Variants in TFEC observed in about 807,000 individuals in gnomAD.
TFEC encodes the protein class E basic helix-loop-helix protein 34.
Under a neutral mutation model 41.6 loss-of-function variants are expected in TFEC, and 31 were observed. The ratio of observed to expected loss-of-function variants is 0.74; its 90% CI spans 0.56 to 1.01. The LOEUF (loss-of-function observed/expected upper bound fraction) is 1.01, where lower values mean the gene tolerates loss of function less well. TFEC is among the 50% of genes least tolerant of loss of function. The pLI, the probability that TFEC is intolerant of heterozygous loss-of-function variation, is 0.00. For missense variants in TFEC, 402 were observed against 404.1 expected, an observed-to-expected ratio of 0.99 and a Z score of 0.04; for synonymous variants, 143 against 140.6, an observed-to-expected ratio of 1.02 and a Z score of -0.12.
At chr7:116,000,196 A>AC (rs1302252826) in intron 1 of TFEC, among the ~76,000 whole-genome samples, 1 of 152,180 alleles carries the variant, frequency 6.6e-6, no homozygotes. Flanking sequence ...ATATCAACAG[A>AC]ATGAAGAACA....
chr7:116,046,414 C>A (rs1023424955), intron 3 of TFEC, among the ~76,000 whole-genome samples: 3 of 152,144 alleles, frequency 2.0e-5, no homozygotes, highest in Non-Finnish European at 2.9e-5. Context: ...ATGGGTTTAT[C>A]AGAGGTTTCC....
intron 2 of TFEC, among the ~76,000 whole-genome samples, chr7:115,982,591 G>T (rs549381983): frequency 1.3e-5 from 2 of 152,098 alleles, no homozygotes. Context: ...GTGATTAAAT[G>T]GACATTAATG....
chr7:115,984,286 T>C lies in TFEC; in HGVS notation c.156A>G (p.Lys52=). The change falls in exon 2 of 8, where the codon AAA becomes AAG. Residue 52 remains lysine (K), a synonymous_variant. Coordinates refer to ENST00000265440, the MANE Select transcript of TFEC (RefSeq NM_012252.4). ...NPLTKLLAIG[K]EDDNAQWHME... is the part of the protein sequence containing the mutation. The stretch of plus-strand genomic sequence containing the variant: ...CATGCCATTGTGCATTGTCATCTTC[T>C]TTCCCAATAGCTAGTAACTTGGTGA... 3.1e-6 allele frequency: 5 copies of C among 1,614,016 alleles called. No individual in the cohort carries two copies. Among genetic ancestry groups the C allele is most frequent in the Non-Finnish European group, 4.2e-6 (5 of 1,179,926 alleles).
At chr7:115,964,761 T>C (rs1231628646) in intron 3 of TFEC, among the ~76,000 whole-genome samples, 2 of 151,608 alleles carry the variant, frequency 1.3e-5, no homozygotes, top group Non-Finnish European at 3.0e-5. Context: ...AACTTTGTAT[T>C]TGAAATTCTA....
chr7:116,015,329 C>T (rs938416792), intron 1 of TFEC, among the ~76,000 whole-genome samples: 1 of 151,916 alleles, frequency 6.6e-6, no homozygotes, highest in African/African-American at 2.4e-5. Context: ...ATTAAATGCT[C>T]TAATAGTAGA....
At chr7:116,126,198 C>T (rs1357912467) in intron 1 of TFEC, among the ~76,000 whole-genome samples, 1 of 151,942 alleles carries the variant, frequency 6.6e-6, no homozygotes, top group Non-Finnish European at 1.5e-5. Flanking sequence ...AAGAAAAAAA[C>T]AAAGCCTGAA....
intron 3 of TFEC, among the ~76,000 whole-genome samples, chr7:115,959,392 T>C (rs1014721001): frequency 4.0e-5 from 6 of 151,720 alleles, no homozygotes; most frequent in Non-Finnish European, 7.4e-5. Flanking sequence ...TATCAGAGGC[T>C]CTTCGCCGTA....
At chr7:116,053,890 G>A (rs1796370118) in intron 3 of TFEC, among the ~76,000 whole-genome samples, 1 of 152,146 alleles carries the variant, frequency 6.6e-6, no homozygotes, top group Non-Finnish European at 1.5e-5. Flanking sequence ...TAATACAAAT[G>A]CATACTGTGT....
chr7:116,069,258 C>T (rs1796769408), intron 3 of TFEC, among the ~76,000 whole-genome samples: 1 of 151,318 alleles, frequency 6.6e-6, no homozygotes. Context: ...TTTTGAAAGA[C>T]AGAACCACAG....
rs77554703 is a variant in TFEC, at chr7:116,133,610, T to C, written c.-68-21572A>G. Among the ~76,000 whole-genome samples, 1,222 of 152,262 alleles carry C rather than the reference T, an allele frequency of 8.0e-3. 20 individuals are homozygous for C. The highest frequency in any genetic ancestry group is 0.027 in the African/African-American group (1,142 of 41,556). ...TAAATGATTTCTGGGAAACATAATT[T>C]AATCATTTAAATTAAAGACTTTTCA... On this transcript the variant is annotated intron_variant, in intron 1 of 8. Coordinates refer to the TFEC transcript ENST00000484212.
intron 1 of TFEC, among the ~76,000 whole-genome samples, chr7:116,145,452 G>C (rs756199980): frequency 6.6e-6 from 1 of 152,114 alleles, no homozygotes; most frequent in African/African-American, 2.4e-5. Flanking sequence ...TCAACTCACA[G>C]CACAGAGACC....
intron 3 of TFEC, among the ~76,000 whole-genome samples, chr7:116,054,062 G>GTTTA (rs1796375042): frequency 1.3e-5 from 2 of 152,182 alleles, no homozygotes; most frequent in African/African-American, 4.8e-5. Flanking sequence ...TGAAGGCAGG[G>GTTTA]AAATGCTTTT....
chr7:115,975,360 C>A (rs1793333327), intron 2 of TFEC, among the ~76,000 whole-genome samples: 1 of 152,036 alleles, frequency 6.6e-6, no homozygotes, highest in Admixed American at 6.6e-5. Flanking sequence ...GTGAATTTCC[C>A]ATGATATATG....
intron 1 of TFEC, among the ~76,000 whole-genome samples, chr7:116,115,914 G>A (rs1448863166): frequency 6.6e-6 from 1 of 151,826 alleles, no homozygotes; most frequent in African/African-American, 2.4e-5. Context: ...TAAGACATAG[G>A]CATAATTATA....
intron 1 of TFEC, among the ~76,000 whole-genome samples, chr7:116,116,489 T>G (rs944546741): frequency 1.1e-4 from 17 of 151,922 alleles, no homozygotes; most frequent in Non-Finnish European, 1.9e-4. Flanking sequence ...CCCAGAGTTT[T>G]GTAAGCTTTC....
intron 3 of TFEC, among the ~76,000 whole-genome samples, chr7:116,075,774 G>A (rs184519720): frequency 7.9e-5 from 12 of 152,170 alleles, no homozygotes; most frequent in African/African-American, 2.6e-4. Context: ...ACCCCCATCT[G>A]GTGGTCTTTC....
chr7:115,975,821 C>T (rs932612251), intron 2 of TFEC, among the ~76,000 whole-genome samples: 2 of 152,028 alleles, frequency 1.3e-5, no homozygotes, highest in African/African-American at 4.8e-5. Context: ...ATAAGAAACA[C>T]CTAAAGTAGG....
At chr7:115,983,002 T>C (rs1793694590) in intron 2 of TFEC, among the ~76,000 whole-genome samples, 2 of 152,138 alleles carry the variant, frequency 1.3e-5, no homozygotes, top group South Asian at 4.1e-4. Flanking sequence ...TGTTTTTCTC[T>C]TTAGAAATCA....
chr7:115,950,368 G>A (rs1207780698), intron 6 of TFEC, among the ~76,000 whole-genome samples: 1 of 152,090 alleles, frequency 6.6e-6, no homozygotes, highest in African/African-American at 2.4e-5. Flanking sequence ...TAAGTAATTT[G>A]TTTGATGGAC....
Sources: allele counts gnomAD v4.1 joint callset (sites outside exome capture counted in the v4.1 genomes callset), GRCh38; gene constraint gnomAD v4.1.1; transcripts MANE v1.5; gene names NCBI Gene and HGNC (gene_info 2026-07-23, HGNC 2026-07-21).